TEX36: variants seen among roughly 807,000 people sequenced by gnomAD.
TEX36 encodes testis-expressed protein 36.
Under a neutral mutation model 13.6 loss-of-function variants are expected in TEX36, and 12 were observed. The observed-to-expected ratio is 0.88, with a 90% CI of 0.56 to 1.43. TEX36 has a LOEUF of 1.43. TEX36 is among the 40% of genes most tolerant of loss of function. The pLI, the probability that TEX36 is intolerant of heterozygous loss-of-function variation, is 0.00. For synonymous variants in TEX36, 93 were observed against 83.0 expected, an observed-to-expected ratio of 1.12 and a Z score of -0.65; for missense variants, 224 against 228.3, an observed-to-expected ratio of 0.98 and a Z score of 0.12.
At chr10:125,651,425 G>C (rs1846854468), downstream of TEX36, among the ~76,000 whole-genome samples, 1 of 152,130 alleles carries the variant, frequency 6.6e-6, no homozygotes, top group Admixed American at 6.5e-5. Context: ...ATGCAGAAAA[G>C]GCCTTCGAGA....
At chr10:125,679,235 A>AGCAGCT (rs1021480141) in intron 1 of TEX36, among the ~76,000 whole-genome samples, 1 of 147,322 alleles carries the variant, frequency 6.8e-6, no homozygotes, top group East Asian at 2.1e-4. Flanking sequence ...ACCCAGCACC[A>AGCAGCT]GCAGCTGCAG....
At chr10:125,617,411 G>A (rs988576741), downstream of TEX36, among the ~76,000 whole-genome samples, 29 of 152,166 alleles carry the variant, frequency 1.9e-4, no homozygotes, top group Non-Finnish European at 3.5e-4. Context: ...GCATGATTTT[G>A]CAGTGGCTGG....
intron 1 of TEX36, among the ~76,000 whole-genome samples, chr10:125,676,362 A>G (rs1330590463): frequency 6.6e-6 from 1 of 152,184 alleles, no homozygotes; most frequent in Admixed American, 6.5e-5. Context: ...TCATTATATA[A>G]TGACCTTCTT....
chr10:125,619,361 G>A (rs868255070), downstream of TEX36, among the ~76,000 whole-genome samples: 21 of 151,962 alleles, frequency 1.4e-4, no homozygotes, highest in Middle Eastern at 3.4e-3. Context: ...CTTCAAAGCC[G>A]TGCAGGCACC....
At chr10:125,611,596 C>T (rs766309267) in intron 3 of TEX36, among the ~76,000 whole-genome samples, 2 of 151,738 alleles carry the variant, frequency 1.3e-5, no homozygotes, top group Non-Finnish European at 2.9e-5. Context: ...ATGGATAAAG[C>T]TATTTATATA....
intron 3 of TEX36, among the ~76,000 whole-genome samples, chr10:125,589,095 A>G (rs1845992705): frequency 1.3e-5 from 2 of 152,136 alleles, no homozygotes. Context: ...TATCAGAATG[A>G]TTTTCAGCAT....
chr10:125,671,327 GTTT>G (rs1366877138), intron 1 of TEX36, among the ~76,000 whole-genome samples: 1 of 152,106 alleles, frequency 6.6e-6, no homozygotes, highest in East Asian at 1.9e-4. Flanking sequence ...AGTTTATTGA[GTTT>G]TTAACATGAA....
At chr10:125,662,361 G>A (rs1847059046) in intron 1 of TEX36, among the ~76,000 whole-genome samples, 1 of 152,148 alleles carries the variant, frequency 6.6e-6, no homozygotes. Context: ...GCCAACCCAC[G>A]TTTATGGAGA....
intron 3 of TEX36, among the ~76,000 whole-genome samples, chr10:125,642,236 G>A (rs985115987): frequency 6.6e-6 from 1 of 152,346 alleles, no homozygotes; most frequent in Non-Finnish European, 1.5e-5. Flanking sequence ...CATGTCGAAG[G>A]CAAAGACAGG....
downstream of TEX36, among the ~76,000 whole-genome samples, chr10:125,617,353 C>T (rs1846373431): frequency 1.3e-5 from 2 of 152,056 alleles, no homozygotes; most frequent in African/African-American, 2.4e-5. Flanking sequence ...TTATTTTGCT[C>T]GTCTGTTGAT....
chr10:125,677,905 C>T (rs1017887387), intron 1 of TEX36, among the ~76,000 whole-genome samples: 1 of 152,184 alleles, frequency 6.6e-6, no homozygotes, highest in Non-Finnish European at 1.5e-5. Context: ...TGGTCTTCAA[C>T]TCCTGACCTC....
At position 125,601,698 on chromosome 10, in the gene TEX36, AC is replaced by A. The variant is rs1274589061; in HGVS notation, c.265-24825del. Among the ~76,000 whole-genome samples the A allele has an allele frequency of 2.0e-5, 3 of 152,040 alleles. No individual in the cohort carries two copies. In the East Asian group the frequency reaches 5.8e-4, roughly 29 times the overall value. ...AACTGGGGATCCAGGGCCCCCACCT[AC>A]CCTCAATTGTTAGCAGGCAGTCCCT... is the stretch of plus-strand genomic sequence containing the variant. On this transcript the variant is annotated intron_variant, in intron 3 of 3. Coordinates refer to the TEX36 transcript ENST00000532135.
At chr10:125,675,412 A>C (rs528561351) in intron 1 of TEX36, among the ~76,000 whole-genome samples, 3 of 152,110 alleles carry the variant, frequency 2.0e-5, no homozygotes, top group East Asian at 3.9e-4. Context: ...GCAGGCACCC[A>C]CGGTGATGAT....
chr10:125,632,223 G>T (rs1388759550), intron 3 of TEX36, among the ~76,000 whole-genome samples: 1 of 152,106 alleles, frequency 6.6e-6, no homozygotes, highest in Admixed American at 6.5e-5. Flanking sequence ...TGGTCTGGGG[G>T]AGAGGTGGCA....
intron 1 of TEX36, among the ~76,000 whole-genome samples, chr10:125,680,988 A>C (rs551522664): frequency 6.6e-5 from 10 of 152,300 alleles, no homozygotes; most frequent in Non-Finnish European, 1.3e-4. Flanking sequence ...ACCTCCTCAG[A>C]CACCCTTTTA....
chr10:125,605,006 G>A (rs963684516), intron 3 of TEX36, among the ~76,000 whole-genome samples: 24 of 152,068 alleles, frequency 1.6e-4, no homozygotes, highest in African/African-American at 5.3e-4. Flanking sequence ...TAAATGGAAC[G>A]TGCTTGAATC....
chr10:125,656,705 G>A (rs1032148656), intron 3 of TEX36, among the ~76,000 whole-genome samples: 12 of 152,142 alleles, frequency 7.9e-5, no homozygotes, highest in African/African-American at 2.4e-4. Flanking sequence ...GCAGGGTTCT[G>A]TTATTGTCCT....
At chr10:125,656,281 G>C in intron 3 of TEX36, 85 bp from the exon 4 acceptor site, 1 of 1,142,288 alleles carries the variant, frequency 8.8e-7, no homozygotes, top group Non-Finnish European at 1.1e-6. Flanking sequence ...TTTTGAGACA[G>C]AGTCTTGCTC....
intron 1 of TEX36, among the ~76,000 whole-genome samples, chr10:125,681,694 T>G (rs1053355575): frequency 1.3e-5 from 2 of 152,252 alleles, no homozygotes; most frequent in Admixed American, 6.5e-5. Flanking sequence ...ATGCTTTAAA[T>G]TTTTGTGGAA....
Sources: gnomAD v4.1 joint callset for allele counts (sites outside exome capture counted in the v4.1 genomes callset) on GRCh38, gnomAD v4.1.1 for gene constraint, MANE v1.5 for transcripts, NCBI Gene and HGNC (gene_info 2026-07-23, HGNC 2026-07-21) for gene names.